Variants in MED14 observed in about 807,000 individuals in gnomAD.
MED14 encodes mediator complex subunit 14, also known as mediator of RNA polymerase II transcription subunit 14.
Under a neutral mutation model 109.0 loss-of-function variants are expected in MED14, and 8 were observed. That is an observed-to-expected ratio of 0.07 (90% confidence interval 0.04 to 0.13). The LOEUF (loss-of-function observed/expected upper bound fraction) is 0.13. Ranked by LOEUF, MED14 falls within the 10% of genes least tolerant of loss-of-function variation. The probability of loss-of-function intolerance (pLI) is 1.00; values close to 1 mark genes in which losing one functional copy is unlikely to be tolerated. For missense variants in MED14, 711 were observed against 1,142.4 expected (o/e 0.62, Z 5.44); for synonymous variants, 399 against 408.7 (o/e 0.98, Z 0.29).
At chrX:40,669,197 T>C (rs1221684884) in intron 23 of MED14, among the ~76,000 whole-genome samples, 3 of 112,149 alleles carry the variant, frequency 2.7e-5, no homozygotes, top group African/African-American at 9.7e-5. Flanking sequence ...GCTTGGCACA[T>C]AGTAAGCACT....
rs1930155617 is a variant in MED14, at chrX:40,682,539, TA to T, written c.2365+63del. The T allele has an allele frequency of 1.4e-5, 14 of 968,168 alleles. No homozygotes were observed. The Admixed American group carries it at 2.8e-4, about 19-fold the overall frequency. 79.8% of individuals were successfully genotyped at this position (968,168 alleles called of 1,213,427 possible). A position where few individuals can be genotyped will look rare whatever the true frequency, so the allele number is the denominator to read the frequency against. ...AACACTGTGCATGTTTCACTTCAGT[TA>T]AAAAAAGGGTGAGGGCTTTTTTTTT... On this transcript the variant is annotated intron_variant, in intron 18 of 30. Coordinates refer to ENST00000324817, the MANE Select transcript of MED14 (RefSeq NM_004229.4).
At position 40,660,207 on chromosome X, in the gene MED14, T is replaced by A. The variant is rs1454325169; in HGVS notation, c.3685-600A>T. 4.5e-5 allele frequency among the ~76,000 whole-genome samples: 5 copies of A among 111,995 alleles called. No individual in the cohort carries two copies. In the East Asian group the frequency reaches 1.1e-3, roughly 25 times the overall value. On this transcript the variant is annotated intron_variant, in intron 26 of 30. Transcript: ENST00000324817. The stretch of plus-strand genomic sequence containing the variant: ...TATGCAAGAAATTATGTCTGAGATT[T>A]GCTGTGAAAATCTGGGGGGAGGAGT...
rs1469320754 is a variant in MED14 at position 40,684,218 on chromosome X, C to T, written c.2058-1222G>A. ...AATCCTTTGTTGCGGGGTGAGGGGG[C>T]TGTCTTGTGCAGCCCAGGCCTCTAC... is the stretch of plus-strand genomic sequence containing the variant. On this transcript the variant is annotated intron_variant, in intron 16 of 30. Transcript: ENST00000324817. 5.4e-5 allele frequency among the ~76,000 whole-genome samples: 6 copies of T among 111,250 alleles called. No individual in the cohort carries two copies. In the East Asian group the frequency reaches 1.7e-3, roughly 31 times the overall value.
At position 40,712,194 on chromosome X, in the gene MED14, T is replaced by G; in HGVS notation, c.881A>C (p.Asn294Thr). ...AAATTTCAGAAGGATACGTAGGCAG[T>G]TGTACATATCCTGAAGAGGTTTCTC... ...ADEKPLQDMY[N>T]CLHSFCLSLQ... Residue 294 changes from asparagine (N) to threonine (T), a missense_variant, in exon 7 of 31, where the codon AAC becomes ACC. By Grantham distance (65) the Asn-to-Thr change is moderately conservative. This residue lies in a region of MED14 where 388 missense variants were observed against 517.3 expected (regional missense o/e 0.75). Coordinates refer to ENST00000324817, the MANE Select transcript of MED14 (RefSeq NM_004229.4). 8.4e-7 allele frequency: 1 copy of G among 1,183,772 alleles called. No homozygotes were observed. Among genetic ancestry groups the G allele is most frequent in the South Asian group, 1.9e-5 (1 of 53,883 alleles).
chrX:40,664,557 T>TGCTG, intron 24 of MED14, 68 bp from the exon 25 acceptor site: 1 of 705,027 alleles, frequency 1.4e-6, no homozygotes, highest in Non-Finnish European at 1.9e-6. Context: ...TTTGACAGCA[T>TGCTG]TCAAATCTTT....
intron 3 of MED14, among the ~76,000 whole-genome samples, chrX:40,725,860 G>A (rs966987835): frequency 4.5e-5 from 5 of 111,121 alleles, no homozygotes; most frequent in African/African-American, 1.6e-4. Flanking sequence ...AGAAAGAAAG[G>A]GCATCCAAAT....
rs1249099515 is a variant in MED14 at position 40,709,442 on chromosome X, T to G, written c.1191A>C (p.Ile397=). ...ERAMKIDHLS[I]EKLLIDSVHA... ...GGACACTGTCAATCAGGAGTTTTTC[T>G]ATTGATAAGTGGTCGATCTGCATAA... Residue 397 remains isoleucine, a synonymous_variant, in exon 10 of 31, where the codon ATA becomes ATC. Coordinates refer to ENST00000324817, the MANE Select transcript of MED14 (RefSeq NM_004229.4). 3 of 1,114,142 alleles carry G rather than the reference T, an allele frequency of 2.7e-6. No homozygotes were observed. Among genetic ancestry groups the G allele is most frequent in the African/African-American group, 1.8e-5 (1 of 55,041 alleles). 91.8% of individuals were successfully genotyped at this position (1,114,142 alleles called of 1,213,427 possible).
chrX:40,695,086 T>C (rs1339830808), intron 13 of MED14, among the ~76,000 whole-genome samples: 1 of 111,620 alleles, frequency 9.0e-6, no homozygotes, highest in Non-Finnish European at 1.9e-5. Context: ...GGTATTATGC[T>C]GAGTCAAAGA....
chrX:40,651,572 TG>T lies in MED14; in HGVS notation c.*233del. 1 of 918,799 alleles carries T rather than the reference TG, an allele frequency of 1.1e-6. No homozygotes were observed. The highest frequency in any genetic ancestry group is 1.4e-6 in the Non-Finnish European group (1 of 736,713). The allele number at this position is 918,799 out of a possible 1,213,427, so 75.7% of individuals were successfully genotyped here. On this transcript the variant is annotated 3_prime_UTR_variant, in exon 31 of 31. Coordinates refer to ENST00000324817, the MANE Select transcript of MED14 (RefSeq NM_004229.4). ...AAATTTATTACTGGCAAACGGACAC[TG>T]ATTTATTTCCTTTGAAATGTGTCCC... is the stretch of plus-strand genomic sequence containing the variant.
At chrX:40,711,450 A>G (rs968687077) in intron 7 of MED14, 149 bp from the exon 8 acceptor site, 1 of 412,022 alleles carries the variant, frequency 2.4e-6, no homozygotes, top group Non-Finnish European at 4.2e-6. Flanking sequence ...CCAATGCCTC[A>G]TCGTAAAAAG....
At chrX:40,702,222 T>C (rs1449861285) in intron 11 of MED14, among the ~76,000 whole-genome samples, 1 of 112,332 alleles carries the variant, frequency 8.9e-6, no homozygotes, top group Admixed American at 9.4e-5. Context: ...CCTGAGCTGC[T>C]AAGACAAGCA....
At chrX:40,692,049 C>T in intron 15 of MED14, 134 bp downstream of exon 15, 2 of 512,752 alleles carry the variant, frequency 3.9e-6, no homozygotes, top group South Asian at 4.4e-5. Context: ...GATTGTAACC[C>T]TACCACTCCT....
At chrX:40,676,063 G>A (rs962931054) in intron 21 of MED14, among the ~76,000 whole-genome samples, 2 of 112,294 alleles carry the variant, frequency 1.8e-5, no homozygotes, top group Non-Finnish European at 3.8e-5. Flanking sequence ...GGGAGGCCAA[G>A]ATGGGAGGAT....
At chrX:40,662,820 A>C (rs940769059) in intron 26 of MED14, 105 bp downstream of exon 26, 5 of 548,341 alleles carry the variant, frequency 9.1e-6, no homozygotes, top group African/African-American at 2.3e-5. Flanking sequence ...TTGTTAAAGG[A>C]GGGAAGGTGA....
intron 25 of MED14, 129 bp from the exon 26 acceptor site, chrX:40,663,289 T>A (rs2146621850): frequency 1.9e-6 from 1 of 535,278 alleles, no homozygotes; most frequent in Non-Finnish European, 3.1e-6. Flanking sequence ...CCTTGTGGTG[T>A]AACAATCATA....
chrX:40,730,337 C>T (rs948322929), intron 1 of MED14, among the ~76,000 whole-genome samples: 18 of 111,696 alleles, frequency 1.6e-4, no homozygotes, highest in South Asian at 7.5e-4. Context: ...GCCAGCAGAC[C>T]GGAGAGATGA....
rs1395255443 is a variant in MED14, at chrX:40,712,806, T to C, written c.781+108A>G. On this transcript the variant is annotated intron_variant, in intron 6 of 30. Coordinates refer to ENST00000324817, the MANE Select transcript of MED14 (RefSeq NM_004229.4). ...CACCTGCCTTGGCCTCCCAAAGTAG[T>C]GGGATTACAAGCATGAGCCATCATC... 18 of 824,671 alleles carry C rather than the reference T, an allele frequency of 2.2e-5. 1 individual carries two copies. The highest frequency in any genetic ancestry group is 2.6e-5 in the Non-Finnish European group (16 of 609,478). 68.0% of individuals were successfully genotyped at this position (824,671 alleles called of 1,213,427 possible). A position where few individuals can be genotyped will look rare whatever the true frequency, so the allele number is the denominator to read the frequency against.
At chrX:40,709,890 T>C (rs1931277486) in intron 9 of MED14, 89 bp downstream of exon 9, 1 of 574,974 alleles carries the variant, frequency 1.7e-6, no homozygotes, top group African/African-American at 2.4e-5. Flanking sequence ...AAGAATTAGA[T>C]ATTTTTAAAA....
At chrX:40,704,375 G>GA (rs918046596) in intron 10 of MED14, among the ~76,000 whole-genome samples, 12 of 111,682 alleles carry the variant, frequency 1.1e-4, no homozygotes, top group African/African-American at 2.0e-4. Flanking sequence ...CTACAGCACA[G>GA]AAAAAAAAGG....
Sources: allele counts gnomAD v4.1 joint callset (sites outside exome capture counted in the v4.1 genomes callset), GRCh38; gene constraint gnomAD v4.1.1; regional missense constraint gnomAD v4.1.1; transcripts MANE v1.5; gene names NCBI Gene and HGNC (gene_info 2026-07-23, HGNC 2026-07-21).